Variants in EIF3H observed in about 807,000 individuals in gnomAD.
The protein encoded by EIF3H is eIF-3-gamma.
EIF3H carries 26 observed loss-of-function variants against 44.2 expected under a neutral mutation model. That is an observed-to-expected ratio of 0.59 (90% CI 0.43 to 0.82). The LOEUF (loss-of-function observed/expected upper bound fraction) is 0.82. Among genes scored for constraint, EIF3H ranks in the 40% least tolerant of loss-of-function variants. The probability of loss-of-function intolerance (pLI) is 0.00; values close to 1 mark genes in which losing one functional copy is unlikely to be tolerated. For missense variants in EIF3H, 359 were observed against 432.8 expected (o/e 0.83, Z 1.51); for synonymous variants, 166 against 151.9 (o/e 1.09, Z -0.68).
In EIF3H at chr8:116,679,113, G is replaced by A. The variant is rs1190436016; in HGVS notation, c.290-20133C>T. Among the ~76,000 whole-genome samples the A allele has an allele frequency of 1.2e-4, 7 of 57,036 alleles. 2 individuals are homozygous for A. The highest frequency in any genetic ancestry group is 9.1e-4 in the Admixed American group (7 of 7,696). 37.4% of individuals were successfully genotyped at this position (57,036 alleles called of 152,430 possible). A position where few individuals can be genotyped will look rare whatever the true frequency, so the allele number is the denominator to read the frequency against. ...CCGGCCAGCCTCCCCGTCCGGGAGGGGGGAGGGGGGGTCAGCCCCCTGCCC... is the reference window on the plus strand; with the variant it reads ...CCGGCCAGCCTCCCCGTCCGGGAGGAGGGAGGGGGGGTCAGCCCCCTGCCC... On this transcript the variant is annotated intron_variant, in intron 2 of 7. Coordinates refer to ENST00000521861, the MANE Select transcript of EIF3H (RefSeq NM_003756.3).
intron 2 of EIF3H, among the ~76,000 whole-genome samples, chr8:116,677,909 A>G (rs1263341634): frequency 6.6e-6 from 1 of 152,262 alleles, no homozygotes; most frequent in Non-Finnish European, 1.5e-5. Flanking sequence ...ACTAATAAAA[A>G]AATCAGAAAT....
At chr8:116,752,779 G>A (rs542642557) in intron 1 of EIF3H, among the ~76,000 whole-genome samples, 1,817 of 53,516 alleles carry the variant, frequency 0.034, 97 homozygotes, top group Non-Finnish European at 0.048. Context: ...GAGGGAGGGA[G>A]GGAGGGAGGG....
chr8:116,739,133 C>T (rs933049479), intron 1 of EIF3H, among the ~76,000 whole-genome samples: 25 of 152,154 alleles, frequency 1.6e-4, no homozygotes, highest in Non-Finnish European at 3.1e-4. Context: ...GGCAGAAAAC[C>T]GCTTAAAGGT....
intron 1 of EIF3H, among the ~76,000 whole-genome samples, chr8:116,753,974 T>TAAA (rs1430463459): frequency 2.0e-5 from 3 of 152,176 alleles, no homozygotes; most frequent in Non-Finnish European, 4.4e-5. Context: ...GGTACTTATT[T>TAAA]TAACAAGTGT....
upstream of EIF3H, chr8:116,756,048 T>G: frequency 1.3e-6 from 2 of 1,513,332 alleles, no homozygotes; most frequent in Non-Finnish European, 1.8e-6. Flanking sequence ...TTTTAAATGT[T>G]TAATCATTCA....
At chr8:116,733,655 T>C (rs1335906011) in intron 1 of EIF3H, among the ~76,000 whole-genome samples, 3 of 152,070 alleles carry the variant, frequency 2.0e-5, no homozygotes, top group African/African-American at 7.2e-5. Context: ...CCTAAAATTT[T>C]CATGGACCCC....
At chr8:116,765,692 T>C (rs2131018106) in exon 1 of EIF3H, 1 of 152,368 alleles carries the variant, frequency 6.6e-6, no homozygotes, top group African/African-American at 2.4e-5. Context: ...AAAGAGTACT[T>C]GAAACTTATC....
chr8:116,648,709 T>C, intron 6 of EIF3H, 97 bp downstream of exon 6: 1 of 1,411,900 alleles, frequency 7.1e-7, no homozygotes, highest in Non-Finnish European at 9.3e-7. Context: ...TAACGGTCAA[T>C]AATTTACCAA....
At chr8:116,732,022 T>C (rs1311505101) in intron 1 of EIF3H, among the ~76,000 whole-genome samples, 1 of 152,200 alleles carries the variant, frequency 6.6e-6, no homozygotes, top group Non-Finnish European at 1.5e-5. Context: ...TTCTGAAGTT[T>C]ACACAGTCTC....
intron 2 of EIF3H, among the ~76,000 whole-genome samples, chr8:116,685,080 T>C (rs1382698508): frequency 6.6e-6 from 1 of 152,220 alleles, no homozygotes; most frequent in Non-Finnish European, 1.5e-5. Flanking sequence ...ACAACTTATT[T>C]GATATTGATA....
At chr8:116,665,166 G>A (rs1813647938) in intron 2 of EIF3H, among the ~76,000 whole-genome samples, 2 of 152,138 alleles carry the variant, frequency 1.3e-5, no homozygotes, top group South Asian at 4.1e-4. Flanking sequence ...AATCATTGAA[G>A]CACAGCACAA....
intron 2 of EIF3H, among the ~76,000 whole-genome samples, chr8:116,675,907 A>G (rs1158509128): frequency 6.6e-6 from 1 of 152,232 alleles, no homozygotes; most frequent in Non-Finnish European, 1.5e-5. Context: ...CACATAACCA[A>G]TCTTACATTT....
intron 1 of EIF3H, among the ~76,000 whole-genome samples, chr8:116,743,769 C>CATATATATATAT (rs150883678): frequency 3.1e-5 from 3 of 96,990 alleles, no homozygotes; most frequent in Non-Finnish European, 6.2e-5. Context: ...AAAATACATA[C>CATATATATATAT]ATATATATAT....
rs181154150 is a variant in EIF3H at position 116,654,420 on chromosome 8, G to A, written c.707+1436C>T. 3.3e-5 allele frequency among the ~76,000 whole-genome samples: 5 copies of A among 152,228 alleles called. No individual in the cohort carries two copies. In the East Asian group the frequency reaches 9.6e-4, roughly 29 times the overall value. ...TTTGTATGCTCAATAAAGGCAGCCT[G>A]GGAAAAGGTGAAGACATGAATTATG... On this transcript the variant is annotated intron_variant, in intron 5 of 7. Transcript: ENST00000521861.
chr8:116,703,979 G>A (rs940034559), intron 2 of EIF3H, among the ~76,000 whole-genome samples: 2 of 152,180 alleles, frequency 1.3e-5, no homozygotes, highest in Non-Finnish European at 2.9e-5. Context: ...CAGCACTCGT[G>A]GTTCTTAACA....
At chr8:116,709,047 G>A (rs532092910) in intron 2 of EIF3H, among the ~76,000 whole-genome samples, 3 of 151,118 alleles carry the variant, frequency 2.0e-5, no homozygotes, top group Admixed American at 6.6e-5. Context: ...GGTCTAAATC[G>A]CAAAGATGAC....
At chr8:116,764,705 G>C (rs1004360879) in intron 1 of EIF3H, among the ~76,000 whole-genome samples, 4 of 152,146 alleles carry the variant, frequency 2.6e-5, no homozygotes, top group African/African-American at 9.7e-5. Context: ...ATTTAGCAGA[G>C]ACAGGGGCTC....
At chr8:116,709,244 T>G (rs1814530328) in intron 2 of EIF3H, among the ~76,000 whole-genome samples, 1 of 152,132 alleles carries the variant, frequency 6.6e-6, no homozygotes, top group Admixed American at 6.6e-5. Context: ...CAGTTATGGA[T>G]CTGCTTAAAT....
chr8:116,741,102 CTA>C (rs1815124767), intron 1 of EIF3H, among the ~76,000 whole-genome samples: 1 of 151,792 alleles, frequency 6.6e-6, no homozygotes, highest in Admixed American at 6.6e-5. Context: ...TTAATTTTTT[CTA>C]TCTTTTTTTT....
Sources: allele counts gnomAD v4.1 joint callset (sites outside exome capture counted in the v4.1 genomes callset), GRCh38; gene constraint gnomAD v4.1.1; transcripts MANE v1.5; gene names NCBI Gene and HGNC (gene_info 2026-07-23, HGNC 2026-07-21).